PDZRN4: variants seen among roughly 807,000 people sequenced by gnomAD.
The protein encoded by PDZRN4 is PDZ domain containing ring finger 4, also known as PDZ domain-containing RING finger protein 4.
Under a neutral mutation model 99.0 loss-of-function variants are expected in PDZRN4, and 70 were observed. The observed-to-expected ratio is 0.71, with a 90% CI of 0.58 to 0.86. The LOEUF (loss-of-function observed/expected upper bound fraction) is 0.86, where lower values mean the gene tolerates loss of function less well. PDZRN4 is among the 40% of genes least tolerant of loss of function. The pLI is 0.00. For missense variants in PDZRN4, 1,474 were observed against 1,331.2 expected, an observed-to-expected ratio of 1.11 and a Z score of -1.67; for synonymous variants, 551 against 501.6, an observed-to-expected ratio of 1.10 and a Z score of -1.32.
chr12:41,393,086 A>G (rs1952221150), intron 3 of PDZRN4, among the ~76,000 whole-genome samples: 2 of 152,186 alleles, frequency 1.3e-5, no homozygotes, highest in Non-Finnish European at 2.9e-5. Context: ...TTTCTATTCC[A>G]CTAAATTCTT....
chr12:41,210,369 A>G (rs969070001), intron 3 of PDZRN4, among the ~76,000 whole-genome samples: 9 of 152,018 alleles, frequency 5.9e-5, no homozygotes, highest in Admixed American at 1.3e-4. Flanking sequence ...CCATTTGTCA[A>G]TTATGGCTTT....
At position 41,333,348 on chromosome 12, in the gene PDZRN4, G is replaced by A. The variant is rs562950063; in HGVS notation, c.843+139160G>A. On this transcript the variant is annotated intron_variant, in intron 3 of 9. Transcript: ENST00000402685. ...CACAGCAGCTTCTCACTACCCTCAC[G>A]ACCGCCACCCCCAACTTGAACCTGG... Among the ~76,000 whole-genome samples the A allele has an allele frequency of 3.9e-5, 6 of 152,086 alleles. No homozygotes were observed. The East Asian group carries it at 9.7e-4, about 25-fold the overall frequency.
chr12:41,233,465 G>A (rs1366190748), intron 3 of PDZRN4, among the ~76,000 whole-genome samples: 1 of 152,100 alleles, frequency 6.6e-6, no homozygotes, highest in Non-Finnish European at 1.5e-5. Context: ...TATAAATCAT[G>A]CTGCTCTGAA....
At chr12:41,338,609 G>A (rs959500941) in intron 3 of PDZRN4, among the ~76,000 whole-genome samples, 2 of 151,908 alleles carry the variant, frequency 1.3e-5, no homozygotes, top group African/African-American at 2.4e-5. Context: ...AATCAGAGAT[G>A]AAAATGGAGA....
intron 5 of PDZRN4, among the ~76,000 whole-genome samples, chr12:41,520,817 A>G (rs1386654568): frequency 2.6e-5 from 4 of 152,116 alleles, no homozygotes; most frequent in Non-Finnish European, 5.9e-5. Context: ...ATTTTTAAAT[A>G]CAACAACAAA....
chr12:41,249,443 G>T (rs1012945334), intron 3 of PDZRN4, among the ~76,000 whole-genome samples: 7 of 152,150 alleles, frequency 4.6e-5, no homozygotes, highest in African/African-American at 1.7e-4. Flanking sequence ...ACACCATTTG[G>T]ATGCCAGACA....
At chr12:41,193,875 G>A (rs916936746) in intron 2 of PDZRN4, among the ~76,000 whole-genome samples, 9 of 152,022 alleles carry the variant, frequency 5.9e-5, no homozygotes. Flanking sequence ...AGATAATCTT[G>A]TCAGAGACCC....
intron 3 of PDZRN4, among the ~76,000 whole-genome samples, chr12:41,429,213 CT>C (rs1356483741): frequency 1.3e-5 from 2 of 152,082 alleles, no homozygotes; most frequent in Non-Finnish European, 2.9e-5. Flanking sequence ...ATTTACCTGC[CT>C]TAAGTAGCTG....
At chr12:41,541,178 C>T (rs1221233662) in intron 5 of PDZRN4, among the ~76,000 whole-genome samples, 4 of 152,008 alleles carry the variant, frequency 2.6e-5, no homozygotes, top group South Asian at 2.1e-4. Flanking sequence ...AATCCGCCCA[C>T]CTTGGCCTTC....
intron 3 of PDZRN4, among the ~76,000 whole-genome samples, chr12:41,455,492 C>T (rs187539824): frequency 1.7e-3 from 262 of 152,250 alleles, no homozygotes; most frequent in African/African-American, 5.8e-3. Flanking sequence ...AAAAAATTGT[C>T]ATCAAGTGGG....
At chr12:41,221,727 G>A in intron 3 of PDZRN4, among the ~76,000 whole-genome samples, 1 of 151,984 alleles carries the variant, frequency 6.6e-6, no homozygotes, top group East Asian at 1.9e-4. Flanking sequence ...TCTGATTAAG[G>A]GTGTGTGTGG....
chr12:41,396,390 G>A (rs1412978066), intron 3 of PDZRN4, among the ~76,000 whole-genome samples: 3 of 151,614 alleles, frequency 2.0e-5, no homozygotes, highest in Non-Finnish European at 4.4e-5. Flanking sequence ...GCATTTTAGC[G>A]TTTGCTATTG....
chr12:41,208,028 T>C (rs1325115204), intron 3 of PDZRN4, among the ~76,000 whole-genome samples: 1 of 151,898 alleles, frequency 6.6e-6, no homozygotes, highest in Non-Finnish European at 1.5e-5. Flanking sequence ...ATAGCTTTCA[T>C]TATTGAAAGA....
chr12:41,567,656 A>C, intron 8 of PDZRN4, 127 bp from the exon 9 acceptor site: 1 of 326,772 alleles, frequency 3.1e-6, no homozygotes. Flanking sequence ...GAACTGTGGG[A>C]GGCTGGTATT....
At chr12:41,556,265 G>A (rs907696642) in intron 7 of PDZRN4, among the ~76,000 whole-genome samples, 12 of 152,218 alleles carry the variant, frequency 7.9e-5, no homozygotes, top group Admixed American at 5.2e-4. Context: ...TGAAAGTCTA[G>A]AAGTTTGAAG....
At position 41,188,619 on chromosome 12, in the gene PDZRN4, A is replaced by T. The variant is rs1417469876; in HGVS notation, c.164A>T (p.Gln55Leu). 6.5e-7 allele frequency: 1 copy of T among 1,539,624 alleles called. No individual in the cohort carries two copies. The highest frequency in any genetic ancestry group is 1.4e-5 in the African/African-American group (1 of 73,214). ...GTGCGGAGGCGCCGGTGCCCGCTGC[A>T]GTGCCAGCCCTTGGCGCCCGGCGAG... ...WAVRRRRCPL[Q>L]CQPLAPGELY... Residue 55 changes from glutamine (Q) to leucine (L), a missense_variant, in exon 1 of 10, where the codon CAG becomes CTG. By Grantham distance (113) the Gln-to-Leu change is moderately radical. Transcript: ENST00000402685.
At chr12:41,199,618 A>G (rs1950801627) in intron 3 of PDZRN4, among the ~76,000 whole-genome samples, 1 of 152,184 alleles carries the variant, frequency 6.6e-6, no homozygotes, top group Non-Finnish European at 1.5e-5. Flanking sequence ...TGTGTCCATC[A>G]GTGAATGATT....
chr12:41,288,337 G>A (rs552151392), intron 3 of PDZRN4, among the ~76,000 whole-genome samples: 4 of 152,224 alleles, frequency 2.6e-5, no homozygotes, highest in Non-Finnish European at 4.4e-5. Context: ...TATGCCATAC[G>A]GCTCTGGATG....
intron 3 of PDZRN4, among the ~76,000 whole-genome samples, chr12:41,354,303 G>A (rs1353563826): frequency 6.6e-6 from 1 of 152,014 alleles, no homozygotes; most frequent in Admixed American, 6.6e-5. Context: ...ATGCCTGAGG[G>A]CTAACATATA....
Sources: allele counts gnomAD v4.1 joint callset (sites outside exome capture counted in the v4.1 genomes callset), GRCh38; gene constraint gnomAD v4.1.1; transcripts MANE v1.5; gene names NCBI Gene and HGNC (gene_info 2026-07-23, HGNC 2026-07-21).